The following IRAG2 variants were observed in gnomAD, a reference collection of about 807,000 sequenced individuals.
IRAG2 encodes lymphoid restricted membrane protein.
A neutral mutation model predicts 69.9 loss-of-function variants in IRAG2; 45 were observed. The observed-to-expected ratio is 0.64, with a 90% CI of 0.51 to 0.83. IRAG2 has a LOEUF of 0.83. IRAG2 is among the 40% of genes least tolerant of loss of function. The pLI is 0.00. For missense variants in IRAG2, 520 were observed against 587.0 expected (o/e 0.89, Z 1.18); for synonymous variants, 193 against 202.4 (o/e 0.95, Z 0.40).
At chr12:25,021,251 T>C (rs1008124498) in intron 7 of IRAG2, among the ~76,000 whole-genome samples, 4 of 152,218 alleles carry the variant, frequency 2.6e-5, no homozygotes, top group East Asian at 1.9e-4. Flanking sequence ...ATTATAGGCA[T>C]GAGCCACTGT....
At chr12:25,011,688 T>C in intron 3 of IRAG2, 1 of 551,466 alleles carries the variant, frequency 1.8e-6, no homozygotes, top group Non-Finnish European at 2.7e-6. Context: ...ACCTGAATGA[T>C]GTTAAACCTG....
chr12:25,005,053 A>G (rs1046006193), intron 1 of IRAG2: 6 of 625,448 alleles, frequency 9.6e-6, no homozygotes, highest in Non-Finnish European at 1.4e-5. Flanking sequence ...TGTTTTAACT[A>G]TGTTTGTTTC....
chr12:25,076,247 C>T (rs745341302), intron 6 of IRAG2: 2 of 194,014 alleles, frequency 1.0e-5, no homozygotes, highest in Non-Finnish European at 1.9e-5. Context: ...AGTTGCTTAC[C>T]TTGCTACTGT....
chr12:25,105,812 C>G (rs1315875373), intron 20 of IRAG2, among the ~76,000 whole-genome samples: 1 of 152,054 alleles, frequency 6.6e-6, no homozygotes, highest in Non-Finnish European at 1.5e-5. Flanking sequence ...TCTTTAAAAA[C>G]TAAAGTCTAT....
At chr12:25,065,373 T>C (rs1268424443) in intron 4 of IRAG2, among the ~76,000 whole-genome samples, 2 of 152,096 alleles carry the variant, frequency 1.3e-5, no homozygotes, top group Non-Finnish European at 2.9e-5. Context: ...GAACCAAAAA[T>C]TTCTGATTGA....
At chr12:25,088,916 AT>A (rs1273856145) in intron 11 of IRAG2, among the ~76,000 whole-genome samples, 1 of 150,768 alleles carries the variant, frequency 6.6e-6, no homozygotes, top group East Asian at 1.9e-4. Context: ...TTATAAAAAA[AT>A]CAATCTTATC....
At chr12:25,083,585 A>C in intron 10 of IRAG2, 92 bp downstream of exon 10, 11 of 730,378 alleles carry the variant, frequency 1.5e-5, no homozygotes, top group South Asian at 3.5e-5. Context: ...GTATTATCTC[A>C]TTTATCCTTT....
chr12:25,040,799 T>C (rs1038227951), intron 16 of IRAG2, among the ~76,000 whole-genome samples: 4 of 152,204 alleles, frequency 2.6e-5, no homozygotes, highest in Non-Finnish European at 4.4e-5. Flanking sequence ...TCCGTCAGGA[T>C]GTCCGCTCTT....
upstream of IRAG2, among the ~76,000 whole-genome samples, chr12:25,048,802 A>G (rs4963846): frequency 0.34 from 51,913 of 152,024 alleles, 10,376 homozygotes; most frequent in Admixed American, 0.49. Flanking sequence ...TTTTGTTGCA[A>G]TTGCTTCTGG....
chr12:25,107,682 T>C (rs938826599), intron 21 of IRAG2, 135 bp from the exon 22 acceptor site: 9 of 762,904 alleles, frequency 1.2e-5, no homozygotes, highest in South Asian at 1.8e-5. Flanking sequence ...ACCAAAATGA[T>C]AAATCATAAT....
chr12:25,073,313 T>C (rs1451318726), intron 6 of IRAG2, among the ~76,000 whole-genome samples: 1 of 152,242 alleles, frequency 6.6e-6, no homozygotes, highest in African/African-American at 2.4e-5. Context: ...CCAATGCGCA[T>C]GTAGCACCCT....
chr12:25,047,202 C>T (rs1385374849), intron 16 of IRAG2, among the ~76,000 whole-genome samples: 3 of 152,102 alleles, frequency 2.0e-5, no homozygotes, highest in African/African-American at 7.2e-5. Flanking sequence ...AAATTTAAGA[C>T]CTAAAACTGA....
intron 1 of IRAG2, among the ~76,000 whole-genome samples, chr12:25,059,828 T>G (rs1945507286): frequency 6.6e-6 from 1 of 152,228 alleles, no homozygotes; most frequent in Non-Finnish European, 1.5e-5. Flanking sequence ...TAGGTAATTT[T>G]CTACATAATT....
intron 14 of IRAG2, chr12:25,036,546 T>C (rs1944703705): frequency 2.5e-6 from 1 of 398,702 alleles, no homozygotes; most frequent in Admixed American, 4.4e-5. Context: ...TATAATAGCA[T>C]ATGTCTTCCT....
intron 15 of IRAG2, among the ~76,000 whole-genome samples, chr12:25,099,458 A>G (rs1948617965): frequency 6.6e-6 from 1 of 152,202 alleles, no homozygotes; most frequent in African/African-American, 2.4e-5. Context: ...TCAGAATTCA[A>G]CCATTTATTT....
chr12:25,032,175 A>G (rs1944673401), exon 11 of IRAG2: 1 of 399,050 alleles, frequency 2.5e-6, no homozygotes, highest in Non-Finnish European at 4.4e-6. Flanking sequence ...TAAATCAACC[A>G]TCATAGAATA....
At chr12:25,010,951 T>C (rs34561481) in intron 2 of IRAG2, among the ~76,000 whole-genome samples, 8,150 of 152,112 alleles carry the variant, frequency 0.054, 273 homozygotes, top group East Asian at 0.086. Flanking sequence ...TTAACTAAAG[T>C]AGAGAAAAAA....
chr12:25,018,129 A>AGGAATAAT (rs1441557209), intron 6 of IRAG2, among the ~76,000 whole-genome samples: 1 of 150,966 alleles, frequency 6.6e-6, no homozygotes, highest in African/African-American at 2.4e-5. Context: ...TTTGGCTATT[A>AGGAATAAT]GGAATAATGC....
At chr12:25,073,083 G>C (rs4963600) in intron 6 of IRAG2, among the ~76,000 whole-genome samples, 78,659 of 151,934 alleles carry the variant, frequency 0.52, 20,661 homozygotes, top group East Asian at 0.77. Context: ...CTCTGTGTGA[G>C]TCTGGGAAAG....
Sources: allele counts gnomAD v4.1 joint callset (sites outside exome capture counted in the v4.1 genomes callset), GRCh38; gene constraint gnomAD v4.1.1; transcripts MANE v1.5; gene names NCBI Gene and HGNC (gene_info 2026-07-23, HGNC 2026-07-21).